PARP16: variants seen among roughly 807,000 people sequenced by gnomAD.
PARP16 encodes protein mono-ADP-ribosyltransferase PARP16.
Under a neutral mutation model 35.0 loss-of-function variants are expected in PARP16, and 31 were observed. That is an observed-to-expected ratio of 0.88 (90% CI 0.66 to 1.19). The LOEUF (loss-of-function observed/expected upper bound fraction) is 1.19. PARP16 is among the 50% of genes most tolerant of loss of function. The pLI is 0.00. For missense variants in PARP16, 424 were observed against 411.2 expected, an observed-to-expected ratio of 1.03 and a Z score of -0.27; for synonymous variants, 162 against 169.5, an observed-to-expected ratio of 0.96 and a Z score of 0.34.
At chr15:65,249,283 G>T (rs2140767970) in intron 2 of PARP16, among the ~76,000 whole-genome samples, 1 of 152,346 alleles carries the variant, frequency 6.6e-6, no homozygotes, top group Admixed American at 6.5e-5. Flanking sequence ...AGATCTAGCT[G>T]GAATGGTGTG....
At position 65,259,568 on chromosome 15, in the gene PARP16, T is replaced by C. The variant is rs772354127; in HGVS notation, c.834-26A>G. 15 of 1,607,286 alleles carry C rather than the reference T, an allele frequency of 9.3e-6. No individual in the cohort carries two copies. In the South Asian group the frequency reaches 1.1e-4, roughly 12 times the overall value. On this transcript the variant is annotated intron_variant, in intron 5 of 5. Transcript: ENST00000649807. ...CTGCTTAAGAGGGAAAAAAGAGTGG[T>C]GTTGGCAAAAAGAGAAAAACATTTT...
downstream of PARP16, among the ~76,000 whole-genome samples, chr15:65,234,145 TC>T (rs530132688): frequency 1.3e-5 from 2 of 152,166 alleles, no homozygotes; most frequent in Non-Finnish European, 2.9e-5. Flanking sequence ...ATGTTTTTAC[TC>T]CCCTGAAACT....
At chr15:65,272,097 G>T (rs182710277) in intron 1 of PARP16, among the ~76,000 whole-genome samples, 31 of 152,312 alleles carry the variant, frequency 2.0e-4, no homozygotes, top group African/African-American at 7.5e-4. Flanking sequence ...ACCCCATGTG[G>T]ATCTCATCTC....
At chr15:65,273,885 A>AG in intron 1 of PARP16, among the ~76,000 whole-genome samples, 1 of 151,580 alleles carries the variant, frequency 6.6e-6, no homozygotes, top group East Asian at 1.9e-4. Context: ...TCAAAAAAAA[A>AG]AAAAACAAAA....
chr15:65,239,425 A>C (rs1157252203), intron 3 of PARP16, among the ~76,000 whole-genome samples: 1 of 55,226 alleles, frequency 1.8e-5, no homozygotes, highest in African/African-American at 6.4e-5. Context: ...GACTTTGCCT[A>C]AAAAAAAAAA....
In PARP16 at chr15:65,259,524, G is replaced by A; in HGVS notation, c.852C>T (p.Ser284=). ...CGGTAAACCAATGGCTGGAAAACCAGGAGAGCTGGCTCGAAGCCCTGCTTA... is the reference window on the plus strand; with the variant it reads ...CGGTAAACCAATGGCTGGAAAACCAAGAGAGCTGGCTCGAAGCCCTGCTTA... ...KPPKRASSQL[S]WFSSHWFTVM... The change falls in exon 6 of 6, where the codon TCC becomes TCT. Residue 284 remains serine, a synonymous_variant. Transcript: ENST00000649807. 6.2e-7 allele frequency: 1 copy of A among 1,614,156 alleles called. No homozygotes were observed. The highest frequency in any genetic ancestry group is 1.1e-5 in the South Asian group (1 of 91,086).
intron 3 of PARP16, among the ~76,000 whole-genome samples, chr15:65,240,118 G>A (rs1338798927): frequency 6.7e-6 from 1 of 150,286 alleles, no homozygotes; most frequent in South Asian, 2.1e-4. Flanking sequence ...CATGAACCAC[G>A]ACATGCTCGG....
At chr15:65,257,800 C>T (rs1446871308), downstream of PARP16, among the ~76,000 whole-genome samples, 1 of 152,168 alleles carries the variant, frequency 6.6e-6, no homozygotes, top group Non-Finnish European at 1.5e-5. Context: ...AAACTCCCAA[C>T]CTCACTCTTG....
chr15:65,281,634 T>G (rs1421378871), intron 1 of PARP16, among the ~76,000 whole-genome samples: 2 of 148,006 alleles, frequency 1.4e-5, no homozygotes, highest in African/African-American at 5.0e-5. Context: ...GAGGTTGCAG[T>G]GAGCCGAGAC....
chr15:65,241,542 G>A (rs1302699503), intron 3 of PARP16, among the ~76,000 whole-genome samples: 4 of 152,098 alleles, frequency 2.6e-5, no homozygotes, highest in East Asian at 3.9e-4. Flanking sequence ...TTTAATTTTC[G>A]CTTTTTTAGT....
chr15:65,285,644 T>C (rs755249207), intron 1 of PARP16: 4 of 180,774 alleles, frequency 2.2e-5, no homozygotes, highest in African/African-American at 4.8e-5. Flanking sequence ...TTCTGCTTTT[T>C]ATTGAATCGA....
At chr15:65,270,820 T>C in intron 2 of PARP16, 115 bp downstream of exon 2, 1 of 1,034,278 alleles carries the variant, frequency 9.7e-7, no homozygotes, top group Admixed American at 2.1e-5. Context: ...GGACTCTGCA[T>C]TCTCAAGCTG....
chr15:65,268,640 T>C (rs182150904), intron 2 of PARP16, among the ~76,000 whole-genome samples: 17 of 152,364 alleles, frequency 1.1e-4, no homozygotes, highest in African/African-American at 3.6e-4. Context: ...ACAGAGGGTC[T>C]TGCTATGTTG....
chr15:65,231,289 T>TGG (rs1295976631), downstream of PARP16, among the ~76,000 whole-genome samples: 8 of 152,216 alleles, frequency 5.3e-5, no homozygotes, highest in African/African-American at 1.9e-4. Flanking sequence ...TTTACATTTA[T>TGG]TAATATACTG....
chr15:65,234,082 A>C (rs908347072), downstream of PARP16, among the ~76,000 whole-genome samples: 4 of 152,212 alleles, frequency 2.6e-5, no homozygotes, highest in Admixed American at 6.5e-5. Context: ...ATCTGATAAC[A>C]GAGCTTGGAT....
At chr15:65,233,582 A>G (rs1259772596), downstream of PARP16, among the ~76,000 whole-genome samples, 1 of 151,780 alleles carries the variant, frequency 6.6e-6, no homozygotes, top group African/African-American at 2.4e-5. Flanking sequence ...CTAAAAATAC[A>G]AAAATTAGTG....
intron 4 of PARP16, among the ~76,000 whole-genome samples, chr15:65,262,494 A>AGCCAC (rs2089763540): frequency 6.6e-6 from 1 of 152,152 alleles, no homozygotes; most frequent in Non-Finnish European, 1.5e-5. Context: ...CTTTGAGGAG[A>AGCCAC]GCCACACAAT....
rs1232345132 is a variant in PARP16 at position 65,266,751 on chromosome 15, C to T, written c.330G>A (p.Lys110=). 2.5e-6 allele frequency: 4 copies of T among 1,613,582 alleles called. No homozygotes were observed. The change falls in exon 3 of 6, where the codon AAG becomes AAA. Residue 110 remains lysine (K), a synonymous_variant. Transcript: ENST00000649807. ...CAGGCGTGTGAGGAGCCCCAGTCAG[C>T]TTTTGGATCTTTTCAAACTTGAAAA... ...AGKAEFEKIQ[K]LTGAPHTPVP...
intron 3 of PARP16, among the ~76,000 whole-genome samples, chr15:65,240,463 A>G (rs919448659): frequency 1.3e-5 from 2 of 151,994 alleles, no homozygotes; most frequent in Non-Finnish European, 2.9e-5. Context: ...AACTCAATCA[A>G]TCGCCCACCT....
Sources: gnomAD v4.1 joint callset for allele counts (sites outside exome capture counted in the v4.1 genomes callset) on GRCh38, gnomAD v4.1.1 for gene constraint, MANE v1.5 for transcripts, NCBI Gene and HGNC (gene_info 2026-07-23, HGNC 2026-07-21) for gene names.